The following KCNV2 variants were observed in gnomAD, a reference collection of about 807,000 sequenced individuals.
The protein encoded by KCNV2 is potassium voltage-gated channel modifier subfamily V member 2.
KCNV2 carries 65 observed loss-of-function variants against 37.0 expected under a neutral mutation model. The observed-to-expected ratio is 1.76, with a 90% CI of 1.44 to 2.16. The LOEUF is 2.16. KCNV2 is among the 30% of genes most tolerant of loss of function. KCNV2 has a pLI of 0.00. For synonymous variants in KCNV2, 518 were observed against 328.6 expected, an observed-to-expected ratio of 1.58 and a Z score of -6.23; for missense variants, 1,232 against 766.7, an observed-to-expected ratio of 1.61 and a Z score of -7.17.
intron 1 of KCNV2, among the ~76,000 whole-genome samples, chr9:2,719,791 C>T (rs1159221225): frequency 1.3e-5 from 2 of 152,262 alleles, no homozygotes; most frequent in East Asian, 3.8e-4. Flanking sequence ...CATCTCCAAA[C>T]TCCATGCCTT....
At chr9:2,727,470 G>C (rs1365451762) in intron 1 of KCNV2, among the ~76,000 whole-genome samples, 1 of 152,146 alleles carries the variant, frequency 6.6e-6, no homozygotes, top group South Asian at 2.1e-4. Flanking sequence ...AGGACTTTGA[G>C]ATTAACCCAC....
rs183536020 is a variant in KCNV2, at chr9:2,726,106, A to G, written c.1357-3340A>G. ...AAACCCAACTCCTGCTAATGTGACA[A>G]CTCATTCTGTGAGGTCACTTGGGTC... On this transcript the variant is annotated intron_variant, in intron 1 of 1. Transcript: ENST00000382082. 2.6e-5 allele frequency among the ~76,000 whole-genome samples: 4 copies of G among 152,250 alleles called. No homozygotes were observed. In the East Asian group the frequency reaches 5.8e-4, roughly 22 times the overall value.
Position 2,718,206 on chromosome 9 carries a change from C to A in KCNV2, c.467C>A (p.Ala156Asp). 1.2e-6 allele frequency: 2 copies of A among 1,613,486 alleles called. No individual in the cohort carries two copies. Among genetic ancestry groups the A allele is most frequent in the Non-Finnish European group, 1.7e-6 (2 of 1,179,926 alleles). ...GAATACTTCTTCGACCGCGACCCGG[C>A]CGTCTTCCAGCTGGTCTACAATTTC... ...TDEYFFDRDP[A>D]VFQLVYNFYL... is the part of the protein sequence containing the mutation. The change falls in exon 1 of 2, where the codon GCC becomes GAC. Residue 156 changes from alanine to aspartate, a missense_variant. Physicochemically the swap from Ala to Asp is moderately radical, Grantham distance 126. Coordinates refer to ENST00000382082, the MANE Select transcript of KCNV2 (RefSeq NM_133497.4).
At position 2,729,682 on chromosome 9, in the gene KCNV2, T is replaced by C. The variant is rs577472863; in HGVS notation, c.1593T>C (p.Cys531=). ...MQRARKKIAE[C]LLGSNPQLTP... ...GAGCCAGAAAGAAGATAGCTGAGTG[T>C]TTGCTTGGAAGCAACCCACAGCTCA... The change falls in exon 2 of 2, where the codon TGT becomes TGC. Residue 531 remains cysteine, a synonymous_variant. Transcript: ENST00000382082. The C allele has an allele frequency of 6.8e-6, 11 of 1,614,114 alleles. No individual in the cohort carries two copies. In the African/African-American group the frequency reaches 1.5e-4, roughly 22 times the overall value.
Position 2,729,941 on chromosome 9 carries a change from C to G in KCNV2, c.*214C>G. Reference sequence around the variant, plus strand: ...TGTTGTGTGAAACATCTGACCTTCTCAATGACGTTGATATTGAAAACCTGA... The same window carrying G: ...TGTTGTGTGAAACATCTGACCTTCTGAATGACGTTGATATTGAAAACCTGA... On this transcript the variant is annotated 3_prime_UTR_variant, in exon 2 of 2. Coordinates refer to ENST00000382082, the MANE Select transcript of KCNV2 (RefSeq NM_133497.4). 1 of 572,434 alleles carries G rather than the reference C, an allele frequency of 1.7e-6. No homozygotes were observed. The highest frequency in any genetic ancestry group is 3.1e-6 in the Non-Finnish European group (1 of 324,266). 35.5% of individuals were successfully genotyped at this position (572,434 alleles called of 1,614,324 possible). A position where few individuals can be genotyped will look rare whatever the true frequency, so the allele number is the denominator to read the frequency against.
chr9:2,720,840 G>A (rs1284026457), intron 1 of KCNV2, among the ~76,000 whole-genome samples: 1 of 152,124 alleles, frequency 6.6e-6, no homozygotes. Context: ...GATATGGCTA[G>A]AGAAAAAATT....
At position 2,718,691 on chromosome 9, in the gene KCNV2, C is replaced by G; in HGVS notation, c.952C>G (p.Leu318Val). ...CATGGGCTTCTTCACGCTCGAGTACCTGCTGCGCCTAGCCTCCACGCCCGA... is the reference window on the plus strand; with the variant it reads ...CATGGGCTTCTTCACGCTCGAGTACGTGCTGCGCCTAGCCTCCACGCCCGA... ...LCMGFFTLEY[L>V]LRLASTPDLR... Residue 318 changes from leucine (L) to valine (V), a missense_variant, in exon 1 of 2, where the codon CTG becomes GTG. By Grantham distance (32) the Leu-to-Val change is conservative. Transcript: ENST00000382082. 1.9e-6 allele frequency: 3 copies of G among 1,613,310 alleles called. No homozygotes were observed. The highest frequency in any genetic ancestry group is 2.5e-6 in the Non-Finnish European group (3 of 1,179,850).
rs1377189653 is a variant in KCNV2 at position 2,722,333 on chromosome 9, A to G, written c.1356+3238A>G. 3.6e-5 allele frequency among the ~76,000 whole-genome samples: 5 copies of G among 139,650 alleles called. 2 individuals are homozygous for G. Among genetic ancestry groups the G allele is most frequent in the African/African-American group, 1.4e-4 (5 of 36,238 alleles). 91.6% of individuals were successfully genotyped at this position (139,650 alleles called of 152,430 possible). On this transcript the variant is annotated intron_variant, in intron 1 of 1. Coordinates refer to ENST00000382082, the MANE Select transcript of KCNV2 (RefSeq NM_133497.4). ...GTTATTTATAAATAAATTAGAAGTT[A>G]TTTATAAATAAATTAGAAGTTATTT... is the stretch of plus-strand genomic sequence containing the variant.
chr9:2,718,646 G>C lies in KCNV2; in HGVS notation c.907G>C (p.Glu303Gln), dbSNP rs1266256987. Residue 303 changes from glutamate (E) to glutamine (Q), a missense_variant, in exon 1 of 2, where the codon GAG becomes CAG. By Grantham distance (29) the Glu-to-Gln change is conservative (BLOSUM62 2). Coordinates refer to ENST00000382082, the MANE Select transcript of KCNV2 (RefSeq NM_133497.4). ...EGGPDLRPIL[E>Q]HVEMLCMGFF... ...CGGCCCAGACCTGCGGCCCATCCTG[G>C]AGCACGTGGAGATGCTGTGCATGGG... The C allele has an allele frequency of 1.2e-6, 2 of 1,613,274 alleles. No individual in the cohort carries two copies. Among genetic ancestry groups the C allele is most frequent in the Non-Finnish European group, 1.7e-6 (2 of 1,179,824 alleles).
intron 1 of KCNV2, among the ~76,000 whole-genome samples, chr9:2,721,157 A>T (rs542160265): frequency 6.6e-6 from 1 of 152,306 alleles, no homozygotes; most frequent in African/African-American, 2.4e-5. Flanking sequence ...CACTATTTTC[A>T]TAGGCCCAAT....
chr9:2,723,949 G>GT (rs35443796), intron 1 of KCNV2, among the ~76,000 whole-genome samples: 7,705 of 145,910 alleles, frequency 0.053, 707 homozygotes, highest in African/African-American at 0.19. Context: ...TGTGGGTATG[G>GT]TTTTTTTCTT....
chr9:2,718,165 C>T lies in KCNV2; in HGVS notation c.426C>T (p.Tyr142=), dbSNP rs765596301. Residue 142 remains tyrosine (Y), a synonymous_variant, in exon 1 of 2, where the codon TAC becomes TAT. Transcript: ENST00000382082. ...RSRQLSLCDD[Y]EEQTDEYFFD... ...GCCAGCTAAGCCTGTGCGACGACTA[C>T]GAGGAGCAGACAGACGAATACTTCT... The T allele has an allele frequency of 3.1e-6, 5 of 1,612,690 alleles. No individual in the cohort carries two copies. The highest frequency in any genetic ancestry group is 2.2e-5 in the East Asian group (1 of 44,840).
Position 2,718,663 on chromosome 9 carries a change from G to C in KCNV2, c.924G>C (p.Leu308=). 6.2e-7 allele frequency: 1 copy of C among 1,613,366 alleles called. No homozygotes were observed. Among genetic ancestry groups the C allele is most frequent in the Middle Eastern group, 1.6e-4 (1 of 6,062 alleles). ...LRPILEHVEM[L]CMGFFTLEYL... ...CCATCCTGGAGCACGTGGAGATGCT[G>C]TGCATGGGCTTCTTCACGCTCGAGT... The change falls in exon 1 of 2, where the codon CTG becomes CTC. Residue 308 remains leucine, a synonymous_variant. Coordinates refer to ENST00000382082, the MANE Select transcript of KCNV2 (RefSeq NM_133497.4).
chr9:2,723,823 C>G (rs1301721075), intron 1 of KCNV2, among the ~76,000 whole-genome samples: 1 of 152,236 alleles, frequency 6.6e-6, no homozygotes, highest in East Asian at 1.9e-4. Context: ...AGGCCCACGC[C>G]TAAAGCAGCT....
intron 1 of KCNV2, among the ~76,000 whole-genome samples, chr9:2,729,134 T>C (rs1252101625): frequency 6.6e-6 from 1 of 152,196 alleles, no homozygotes; most frequent in Admixed American, 6.5e-5. Flanking sequence ...AACATACTAT[T>C]TTAAATGCTC....
chr9:2,723,622 T>C lies in KCNV2; in HGVS notation c.1356+4527T>C, dbSNP rs113400893. 3.5e-4 allele frequency among the ~76,000 whole-genome samples: 54 copies of C among 152,360 alleles called. 1 individual carries two copies. The highest frequency in any genetic ancestry group is 1.3e-3 in the African/African-American group (52 of 41,594). ...TAGCCTATAGTAAGTCTGCAATAAA[T>C]AGAAGCTACCATAACTGACTAGTTG... On this transcript the variant is annotated intron_variant, in intron 1 of 1. Coordinates refer to ENST00000382082, the MANE Select transcript of KCNV2 (RefSeq NM_133497.4).
At position 2,717,784 on chromosome 9, in the gene KCNV2, C is replaced by G. The variant is rs772927196; in HGVS notation, c.45C>G (p.Pro15=). Residue 15 remains proline, a synonymous_variant, in exon 1 of 2, where the codon CCC becomes CCG. Transcript: ENST00000382082. ...SERRRSWSYR[P]WNTTENEGSQ... Reference sequence around the variant, plus strand: ...GGAGACGGTCCTGGAGCTACAGGCCCTGGAACACGACGGAGAATGAGGGCA... The same window carrying G: ...GGAGACGGTCCTGGAGCTACAGGCCGTGGAACACGACGGAGAATGAGGGCA... The G allele has an allele frequency of 6.2e-7, 1 of 1,614,094 alleles. No individual in the cohort carries two copies. The highest frequency in any genetic ancestry group is 8.5e-7 in the Non-Finnish European group (1 of 1,180,042).
In KCNV2 at chr9:2,718,626, C is replaced by G. The variant is rs947385331; in HGVS notation, c.887C>G (p.Pro296Arg). 6.2e-7 allele frequency: 1 copy of G among 1,613,128 alleles called. No individual in the cohort carries two copies. The highest frequency in any genetic ancestry group is 8.5e-7 in the Non-Finnish European group (1 of 1,179,808). The change falls in exon 1 of 2, where the codon CCA becomes CGA. Residue 296 changes from proline (P) to arginine (R), a missense_variant. Transcript: ENST00000382082. ...CACTCGGGGCAGGGCGAGGGCGGCCCAGACCTGCGGCCCATCCTGGAGCAC... is the reference window on the plus strand; with the variant it reads ...CACTCGGGGCAGGGCGAGGGCGGCCGAGACCTGCGGCCCATCCTGGAGCAC... ...QQHSGQGEGG[P>R]DLRPILEHVE...
intron 1 of KCNV2, among the ~76,000 whole-genome samples, chr9:2,723,606 G>C (rs904813556): frequency 1.3e-5 from 2 of 152,216 alleles, no homozygotes; most frequent in African/African-American, 4.8e-5. Flanking sequence ...CTAGCCTATA[G>C]TAAGTCTGCA....
Sources: allele counts gnomAD v4.1 joint callset (sites outside exome capture counted in the v4.1 genomes callset), GRCh38; gene constraint gnomAD v4.1.1; transcripts MANE v1.5; gene names NCBI Gene and HGNC (gene_info 2026-07-23, HGNC 2026-07-21).